FAM222B: variants seen among roughly 807,000 people sequenced by gnomAD.
The protein encoded by FAM222B is protein FAM222B.
FAM222B carries 12 observed loss-of-function variants against 38.0 expected under a neutral mutation model. That is an observed-to-expected ratio of 0.32 (90% CI 0.20 to 0.51). FAM222B has a LOEUF of 0.51. FAM222B is among the 20% of genes least tolerant of loss of function. The pLI, the probability that FAM222B is intolerant of heterozygous loss-of-function variation, is 0.97. For synonymous variants in FAM222B, 329 were observed against 317.2 expected (o/e 1.04, Z -0.40); for missense variants, 716 against 754.2 (o/e 0.95, Z 0.59).
In FAM222B at chr17:28,816,563, T is replaced by A. The variant is rs559998996; in HGVS notation, c.-41+26119A>T. Among the ~76,000 whole-genome samples, 15 of 150,698 alleles carry A rather than the reference T, an allele frequency of 1.0e-4. No homozygotes were observed. The East Asian group carries it at 2.3e-3, about 24-fold the overall frequency. On this transcript the variant is annotated intron_variant, in intron 1 of 2. Coordinates refer to ENST00000581407, the MANE Select transcript of FAM222B (RefSeq NM_001077498.3). Reference sequence around the variant, plus strand: ...GCATTTATAACAACCAAAAAAAAAATAAATAAAATGTAACTCTGACACTTA... The same window carrying A: ...GCATTTATAACAACCAAAAAAAAAAAAAATAAAATGTAACTCTGACACTTA...
chr17:28,797,739 G>T lies in FAM222B; in HGVS notation c.-40-31032C>A, dbSNP rs78415113. Among the ~76,000 whole-genome samples the T allele has an allele frequency of 4.8e-4, 73 of 152,246 alleles. No individual in the cohort carries two copies. The East Asian group carries it at 0.01, about 21-fold the overall frequency. On this transcript the variant is annotated intron_variant, in intron 1 of 2. Transcript: ENST00000581407. ...ATGCCCTTTGAGATAGGTTGGGTATGTATCATCAGCCCCATTTTCACATAT... is the reference window on the plus strand; with the variant it reads ...ATGCCCTTTGAGATAGGTTGGGTATTTATCATCAGCCCCATTTTCACATAT...
At chr17:28,795,887 TATG>T (rs1365934809) in intron 1 of FAM222B, among the ~76,000 whole-genome samples, 5 of 152,222 alleles carry the variant, frequency 3.3e-5, no homozygotes, top group East Asian at 1.9e-4. Context: ...TCTATTCTCC[TATG>T]ATAAGCAACA....
chr17:28,829,550 A>G (rs2038584519), intron 1 of FAM222B, among the ~76,000 whole-genome samples: 1 of 152,212 alleles, frequency 6.6e-6, no homozygotes, highest in African/African-American at 2.4e-5. Context: ...TCCCCAGAAC[A>G]TCATACAAAT....
intron 1 of FAM222B, among the ~76,000 whole-genome samples, chr17:28,796,994 CTTTTTT>C (rs34242589): frequency 1.2e-4 from 10 of 81,608 alleles, no homozygotes; most frequent in Middle Eastern, 0.011. Context: ...GTGGCTATTG[CTTTTTT>C]TTTTTTTTTT....
At chr17:28,785,898 C>CG (rs2151855168) in intron 1 of FAM222B, among the ~76,000 whole-genome samples, 1 of 152,166 alleles carries the variant, frequency 6.6e-6, no homozygotes, top group East Asian at 1.9e-4. Context: ...TTAGTAGAGA[C>CG]GGGGTTTCAC....
At chr17:28,802,936 C>T (rs1261993435) in intron 1 of FAM222B, 1 of 152,108 alleles carries the variant, frequency 6.6e-6, no homozygotes, top group African/African-American at 2.4e-5. Flanking sequence ...CAGCCAACAG[C>T]TCTGATTATT....
At position 28,759,609 on chromosome 17, in the gene FAM222B, T is replaced by A; in HGVS notation, c.350A>T (p.Asp117Val). The change falls in exon 3 of 3, where the codon GAC becomes GTC. Residue 117 changes from aspartate (D) to valine (V), a missense_variant. Coordinates refer to ENST00000581407, the MANE Select transcript of FAM222B (RefSeq NM_001077498.3). The surrounding 1 kb of genome is among the most constrained non-coding windows in gnomAD (Gnocchi z 4.8). Reference protein sequence around the residue: ...VPAKSILKDFDGTRARLLPEA... With the variant: ...VPAKSILKDFVGTRARLLPEA... ...AGGGAGCAACCGGGCTCGGGTGCCG[T>A]CAAAGTCCTTGAGTATGCTTTTGGC... The A allele has an allele frequency of 6.2e-7, 1 of 1,612,602 alleles. No homozygotes were observed. Among genetic ancestry groups the A allele is most frequent in the East Asian group, 2.2e-5 (1 of 44,842 alleles).
At chr17:28,770,730 C>G (rs2035588169) in intron 1 of FAM222B, among the ~76,000 whole-genome samples, 1 of 152,002 alleles carries the variant, frequency 6.6e-6, no homozygotes, top group Non-Finnish European at 1.5e-5. Flanking sequence ...GCCATCATGC[C>G]CGGCTAATTT....
intron 1 of FAM222B, among the ~76,000 whole-genome samples, chr17:28,786,314 T>C (rs1408435177): frequency 1.3e-5 from 2 of 152,198 alleles, no homozygotes; most frequent in Non-Finnish European, 2.9e-5. Flanking sequence ...ACAGCAACTA[T>C]AAGCAAGGTA....
At chr17:28,843,468 A>T (rs1164297523), upstream of FAM222B, among the ~76,000 whole-genome samples, 8 of 84,168 alleles carry the variant, frequency 9.5e-5, no homozygotes, top group Admixed American at 1.6e-4. Context: ...TTTTTTTGAG[A>T]CGGAGTTTTG....
intron 1 of FAM222B, among the ~76,000 whole-genome samples, chr17:28,775,565 G>GT (rs1282402381): frequency 1.3e-5 from 2 of 151,716 alleles, no homozygotes; most frequent in Non-Finnish European, 2.9e-5. Flanking sequence ...CAAAAATGAA[G>GT]TTTACACACT....
Position 28,766,718 on chromosome 17 carries a change from C to T in FAM222B, c.-40-11G>A, listed in dbSNP as rs372131615. On this transcript the variant is annotated splice_polypyrimidine_tract_variant and intron_variant, in intron 1 of 2. Coordinates refer to ENST00000581407, the MANE Select transcript of FAM222B (RefSeq NM_001077498.3). ...GGGCAGTGGCTCACACTGTAATGAA[C>T]AAAAACAAGGTCATGAAACACAAGG... 6 of 1,438,950 alleles carry T rather than the reference C, an allele frequency of 4.2e-6. No homozygotes were observed. The highest frequency in any genetic ancestry group is 4.8e-6 in the Non-Finnish European group (5 of 1,040,512). The allele number at this position is 1,438,950 out of a possible 1,614,324, so 89.1% of individuals were successfully genotyped here. A position where few individuals can be genotyped will look rare whatever the true frequency, so the allele number is the denominator to read the frequency against.
At position 28,759,634 on chromosome 17, in the gene FAM222B, C is replaced by T. The variant is rs2034962169; in HGVS notation, c.325G>A (p.Ala109Thr). Residue 109 changes from alanine (A) to threonine (T), a missense_variant, in exon 3 of 3, where the codon GCC (alanine) becomes ACC (threonine). Ala to Thr is a moderately conservative substitution (Grantham distance 58). Transcript: ENST00000581407. The surrounding 1 kb of genome is among the most constrained non-coding windows in gnomAD (Gnocchi z 4.8). Reference protein sequence around the residue: ...AGLLAIVKVPAKSILKDFDGT... With the variant: ...AGLLAIVKVPTKSILKDFDGT... ...TCAAAGTCCTTGAGTATGCTTTTGGCTGGCACTTTGACAATGGCAAGCAGG... is the reference window on the plus strand; with the variant it reads ...TCAAAGTCCTTGAGTATGCTTTTGGTTGGCACTTTGACAATGGCAAGCAGG... The T allele has an allele frequency of 6.2e-7, 1 of 1,613,010 alleles. No individual in the cohort carries two copies. The highest frequency in any genetic ancestry group is 8.5e-7 in the Non-Finnish European group (1 of 1,179,506).
intron 1 of FAM222B, among the ~76,000 whole-genome samples, chr17:28,810,915 C>A (rs1013191285): frequency 1.3e-5 from 2 of 152,114 alleles, no homozygotes; most frequent in Admixed American, 1.3e-4. Context: ...AGAAAAAAAT[C>A]ACTAATCTAG....
intron 1 of FAM222B, among the ~76,000 whole-genome samples, chr17:28,778,149 G>A (rs2035979670): frequency 6.6e-6 from 1 of 151,694 alleles, no homozygotes; most frequent in Admixed American, 6.6e-5. Context: ...TGTTACATAG[G>A]TATACATGTG....
intron 1 of FAM222B, among the ~76,000 whole-genome samples, chr17:28,813,929 G>T (rs1423074248): frequency 6.6e-6 from 1 of 151,760 alleles, no homozygotes; most frequent in Non-Finnish European, 1.5e-5. Flanking sequence ...AAGAAAACTG[G>T]CCGGGCGCGG....
At chr17:28,764,005 A>G (rs909421296) in intron 2 of FAM222B, among the ~76,000 whole-genome samples, 1 of 152,172 alleles carries the variant, frequency 6.6e-6, no homozygotes, top group African/African-American at 2.4e-5. Context: ...TTATCTGAAG[A>G]TGGTTTAAGG....
At chr17:28,805,242 T>C (rs1399284566) in intron 1 of FAM222B, among the ~76,000 whole-genome samples, 1 of 152,022 alleles carries the variant, frequency 6.6e-6, no homozygotes, top group Non-Finnish European at 1.5e-5. Flanking sequence ...CCTGTGGTCC[T>C]ACCTACTCAA....
intron 1 of FAM222B, among the ~76,000 whole-genome samples, chr17:28,830,412 G>A (rs899144381): frequency 2.6e-5 from 4 of 151,864 alleles, no homozygotes; most frequent in Non-Finnish European, 5.9e-5. Context: ...CAGCTGCCTC[G>A]GTCTCCCAAA....
Sources: allele counts gnomAD v4.1 joint callset (sites outside exome capture counted in the v4.1 genomes callset), GRCh38; gene constraint gnomAD v4.1.1; non-coding constraint Gnocchi (gnomAD v3.1); transcripts MANE v1.5; gene names NCBI Gene and HGNC (gene_info 2026-07-23, HGNC 2026-07-21).